SYDE2: variants seen among roughly 807,000 people sequenced by gnomAD.
SYDE2 encodes the protein synapse defective Rho GTPase homolog 2.
In SYDE2, 76 loss-of-function variants were observed where a neutral mutation model predicts 91.5. The ratio of observed to expected loss-of-function variants is 0.83; its 90% CI spans 0.69 to 1.01. The LOEUF is 1.01. SYDE2 is among the 50% of genes least tolerant of loss of function. The pLI is 0.00. For synonymous variants in SYDE2, 513 were observed against 506.4 expected (o/e 1.01, Z -0.18); for missense variants, 1,364 against 1,367.7 (o/e 1.00, Z 0.04).
At position 85,169,087 on chromosome 1, in the gene SYDE2, T is replaced by G; in HGVS notation, c.2810A>C (p.Lys937Thr). Reference protein sequence around the residue: ...NGCENDPGDSKYTVDLLDCLP... With the variant: ...NGCENDPGDSTYTVDLLDCLP... ...ACAATCCAGCAGGTCAACAGTGTACTTAGAGTCACCTGGGTCATTCTCACA... is the reference window on the plus strand; with the variant it reads ...ACAATCCAGCAGGTCAACAGTGTACGTAGAGTCACCTGGGTCATTCTCACA... Residue 937 changes from lysine to threonine, a missense_variant, in exon 5 of 7, where the codon AAG becomes ACG. Transcript: ENST00000341460. 1 of 1,613,908 alleles carries G rather than the reference T, an allele frequency of 6.2e-7. No homozygotes were observed. The highest frequency in any genetic ancestry group is 8.5e-7 in the Non-Finnish European group (1 of 1,179,824).
chr1:85,179,533 A>T (rs952579840), intron 3 of SYDE2, among the ~76,000 whole-genome samples: 1 of 152,234 alleles, frequency 6.6e-6, no homozygotes, highest in Admixed American at 6.5e-5. Flanking sequence ...GTGCTGCTAC[A>T]TTCAAAAGGA....
At chr1:85,183,809 A>G (rs1172896569) in intron 2 of SYDE2, among the ~76,000 whole-genome samples, 1 of 152,140 alleles carries the variant, frequency 6.6e-6, no homozygotes, top group African/African-American at 2.4e-5. Context: ...CAATCTGTCT[A>G]TTTTATCACA....
rs185590731 is a variant in SYDE2 at position 85,172,168 on chromosome 1, G to C, written c.2672-2943C>G. 1.2e-4 allele frequency among the ~76,000 whole-genome samples: 18 copies of C among 152,322 alleles called. No homozygotes were observed. The East Asian group carries it at 3.3e-3, about 28-fold the overall frequency. ...TATTATTACAGAAAGGAAGTGGAAA[G>C]AATGTATGCCAAAGAAGGCACATTG... is the stretch of plus-strand genomic sequence containing the variant. On this transcript the variant is annotated intron_variant, in intron 4 of 6. Transcript: ENST00000341460.
At chr1:85,187,775 C>A (rs1179857688) in intron 2 of SYDE2, among the ~76,000 whole-genome samples, 1 of 150,286 alleles carries the variant, frequency 6.7e-6, no homozygotes, top group Non-Finnish European at 1.5e-5. Flanking sequence ...GACAAAAAAC[C>A]AAACACCGCA....
In SYDE2 at chr1:85,161,197, T is replaced by C. The variant is rs117350173; in HGVS notation, c.3086-1948A>G. On this transcript the variant is annotated intron_variant, in intron 6 of 6. Coordinates refer to ENST00000341460, the MANE Select transcript of SYDE2 (RefSeq NM_032184.2). ...GTAATAAGTACTAAGAAACTTAATT[T>C]TTCCTTATCTTGTTTTCTACCAGTA... The C allele has an allele frequency of 5.0e-5, 35 of 698,092 alleles. No individual in the cohort carries two copies. In the East Asian group the frequency reaches 3.9e-3, roughly 77 times the overall value. The allele number at this position is 698,092 out of a possible 1,614,324, so 43.2% of individuals were successfully genotyped here.
chr1:85,180,023 A>C (rs1310503541), intron 3 of SYDE2, among the ~76,000 whole-genome samples: 1 of 152,184 alleles, frequency 6.6e-6, no homozygotes, highest in African/African-American at 2.4e-5. Flanking sequence ...CTTTCTGATG[A>C]TGATATCTTG....
At chr1:85,194,217 G>T (rs944695743) in intron 1 of SYDE2, among the ~76,000 whole-genome samples, 4 of 151,444 alleles carry the variant, frequency 2.6e-5, no homozygotes, top group Admixed American at 2.6e-4. Context: ...TAAATTCATA[G>T]ATATGGAAAG....
At position 85,182,963 on chromosome 1, in the gene SYDE2, G is replaced by T; in HGVS notation, c.1679C>A (p.Ser560Tyr). The change falls in exon 3 of 7, where the codon TCT becomes TAT. Residue 560 changes from serine to tyrosine, a missense_variant. By Grantham distance (144) the Ser-to-Tyr change is moderately radical (BLOSUM62 -2). Coordinates refer to ENST00000341460, the MANE Select transcript of SYDE2 (RefSeq NM_032184.2). ...NYINSPDNTP[S>Y]LSKYNCREVH... ...TTCTCGGCAGTTATATTTAGACAAA[G>T]AAGGAGTATTATCTGGACTGTTTAT... 6.2e-7 allele frequency: 1 copy of T among 1,613,826 alleles called. No homozygotes were observed. Among genetic ancestry groups the T allele is most frequent in the Non-Finnish European group, 8.5e-7 (1 of 1,179,780 alleles).
Position 85,169,099 on chromosome 1 carries a change from G to A in SYDE2, c.2798C>T (p.Pro933Leu). 1 of 1,613,818 alleles carries A rather than the reference G, an allele frequency of 6.2e-7. No homozygotes were observed. The highest frequency in any genetic ancestry group is 2.2e-5 in the East Asian group (1 of 44,856). Residue 933 changes from proline (P) to leucine (L), a missense_variant, in exon 5 of 7, where the codon CCA becomes CTA. Transcript: ENST00000341460. ...KMSSNGCEND[P>L]GDSKYTVDLL... is the part of the protein sequence containing the mutation. The stretch of plus-strand genomic sequence containing the variant: ...GTCAACAGTGTACTTAGAGTCACCT[G>A]GGTCATTCTCACAACCATTTGATGA...
chr1:85,153,884 C>A (rs977915891), downstream of SYDE2: 5 of 152,150 alleles, frequency 3.3e-5, no homozygotes, highest in African/African-American at 1.2e-4. Context: ...ACCTATGAAA[C>A]CACCACCTAG....
rs1332762839 is a variant in SYDE2 at position 85,157,515 on chromosome 1, T to G, written c.*1235A>C. 1 of 152,104 alleles carries G rather than the reference T, an allele frequency of 6.6e-6. No individual in the cohort carries two copies. The highest frequency in any genetic ancestry group is 6.5e-5 in the Admixed American group (1 of 15,280). 9.4% of individuals were successfully genotyped at this position (152,104 alleles called of 1,614,324 possible). A position where few individuals can be genotyped will look rare whatever the true frequency, so the allele number is the denominator to read the frequency against. On this transcript the variant is annotated 3_prime_UTR_variant, in exon 7 of 7. Coordinates refer to ENST00000341460, the MANE Select transcript of SYDE2 (RefSeq NM_032184.2). ...AAACAAAGCAGAATATAAAAATGCA[T>G]AGAACAGGAGCAGATTTATTAAATC... is the stretch of plus-strand genomic sequence containing the variant.
chr1:85,155,054 AAAAGAAAG>A (rs1471018983), downstream of SYDE2, among the ~76,000 whole-genome samples: 5 of 149,498 alleles, frequency 3.3e-5, no homozygotes, highest in Admixed American at 1.3e-4. Context: ...GAAAAGAAAG[AAAAGAAAG>A]AAAAAAAAAA....
intron 4 of SYDE2, among the ~76,000 whole-genome samples, chr1:85,171,635 C>T (rs1420241372): frequency 6.6e-6 from 1 of 152,060 alleles, no homozygotes; most frequent in Non-Finnish European, 1.5e-5. Flanking sequence ...GGTCAGAGCT[C>T]CTGTCCCAGT....
intron 5 of SYDE2, among the ~76,000 whole-genome samples, chr1:85,167,085 A>C (rs1364883094): frequency 6.6e-6 from 1 of 151,916 alleles, no homozygotes; most frequent in Non-Finnish European, 1.5e-5. Context: ...GTGACGGCAC[A>C]TGCCTGAAGT....
chr1:85,200,589 C>T lies in SYDE2; in HGVS notation c.408G>A (p.Ala136=). The part of the protein sequence containing the change: ...MDGWSGDRAR[A]AAPTGLQPPG... ...GAGGCTGGAGGCCGGTGGGTGCAGC[C>T]GCCCGGGCGCGGTCCCCACTCCAGC... The change falls in exon 1 of 7, where the codon GCG becomes GCA. Residue 136 remains alanine, a synonymous_variant. Transcript: ENST00000341460. The T allele has an allele frequency of 6.4e-7, 1 of 1,574,028 alleles. No individual in the cohort carries two copies. Among genetic ancestry groups the T allele is most frequent in the East Asian group, 2.3e-5 (1 of 42,920 alleles).
chr1:85,166,173 C>T (rs941637382), intron 5 of SYDE2, among the ~76,000 whole-genome samples: 11 of 151,852 alleles, frequency 7.2e-5, no homozygotes, highest in African/African-American at 2.4e-4. Context: ...AACCCCGACT[C>T]TACTGAAAAT....
intron 2 of SYDE2, among the ~76,000 whole-genome samples, chr1:85,186,888 G>T (rs371951621): frequency 6.0e-5 from 9 of 150,512 alleles, no homozygotes; most frequent in African/African-American, 1.5e-4. Flanking sequence ...AGACTTAAAC[G>T]TTAGACCTAA....
chr1:85,200,215 C>T (rs565559603), intron 1 of SYDE2, 37 bp downstream of exon 1: 1 of 1,613,308 alleles, frequency 6.2e-7, no homozygotes, highest in African/African-American at 1.3e-5. Flanking sequence ...AACAGTAAGG[C>T]TCGCGGTGCT....
chr1:85,186,573 A>G (rs2100679918), intron 2 of SYDE2, among the ~76,000 whole-genome samples: 1 of 152,218 alleles, frequency 6.6e-6, no homozygotes, highest in Non-Finnish European at 1.5e-5. Context: ...CCTAAGCCAA[A>G]AGAACAAAGC....
Sources: allele counts gnomAD v4.1 joint callset (sites outside exome capture counted in the v4.1 genomes callset), GRCh38; gene constraint gnomAD v4.1.1; transcripts MANE v1.5; gene names NCBI Gene and HGNC (gene_info 2026-07-23, HGNC 2026-07-21).